The following STPG2 variants were observed in gnomAD, a reference collection of about 807,000 sequenced individuals.
STPG2 encodes sperm tail PG-rich repeat containing 2.
Under a neutral mutation model 54.2 loss-of-function variants are expected in STPG2, and 56 were observed. That is an observed-to-expected ratio of 1.03 (90% CI 0.83 to 1.29). The LOEUF (loss-of-function observed/expected upper bound fraction) is 1.29. Ranked by LOEUF, STPG2 falls within the 50% of genes most tolerant of loss-of-function variation. The pLI, the probability that STPG2 is intolerant of heterozygous loss-of-function variation, is 0.00. For missense variants in STPG2, 596 were observed against 544.9 expected, an observed-to-expected ratio of 1.09 and a Z score of -0.93; for synonymous variants, 200 against 181.8, an observed-to-expected ratio of 1.10 and a Z score of -0.81.
chr4:97,534,711 A>C (rs937271749), intron 4 of STPG2, among the ~76,000 whole-genome samples: 1 of 152,186 alleles, frequency 6.6e-6, no homozygotes, highest in African/African-American at 2.4e-5. Flanking sequence ...TCATGTAACC[A>C]CTACCAGAAT....
At chr4:97,595,741 C>G (rs1440044861) in intron 10 of STPG2, among the ~76,000 whole-genome samples, 4 of 152,108 alleles carry the variant, frequency 2.6e-5, no homozygotes, top group Non-Finnish European at 5.9e-5. Flanking sequence ...TACCACCAGA[C>G]CTATCTTACA....
chr4:97,927,537 T>C (rs1342105425), intron 8 of STPG2, among the ~76,000 whole-genome samples: 1 of 152,154 alleles, frequency 6.6e-6, no homozygotes, highest in Non-Finnish European at 1.5e-5. Flanking sequence ...CAATAGTGAT[T>C]ACATTTTTTA....
intron 4 of STPG2, among the ~76,000 whole-genome samples, chr4:97,473,143 G>T (rs1429964675): frequency 6.6e-6 from 1 of 152,054 alleles, no homozygotes; most frequent in African/African-American, 2.4e-5. Context: ...AAATTGTAGA[G>T]CATGTGTGTT....
intron 5 of STPG2, among the ~76,000 whole-genome samples, chr4:98,011,993 A>G (rs1409640689): frequency 6.6e-6 from 1 of 152,070 alleles, no homozygotes; most frequent in African/African-American, 2.4e-5. Context: ...TTTTGTTTCA[A>G]TTGCTTTTGG....
chr4:97,603,222 T>A (rs1040632081), intron 10 of STPG2, among the ~76,000 whole-genome samples: 2 of 151,620 alleles, frequency 1.3e-5, no homozygotes, highest in Non-Finnish European at 3.0e-5. Context: ...AGATGCTCAA[T>A]ATTACATATC....
chr4:97,523,093 A>G (rs1328169916), intron 4 of STPG2, among the ~76,000 whole-genome samples: 1 of 151,964 alleles, frequency 6.6e-6, no homozygotes, highest in Non-Finnish European at 1.5e-5. Flanking sequence ...CCTTTAATAT[A>G]TTGCAAAGCA....
chr4:98,079,193 G>A (rs535744519), intron 5 of STPG2, among the ~76,000 whole-genome samples: 1 of 152,078 alleles, frequency 6.6e-6, no homozygotes, highest in Non-Finnish European at 1.5e-5. Flanking sequence ...ATCTACATGG[G>A]CAGCCTGTTG....
intron 10 of STPG2, among the ~76,000 whole-genome samples, chr4:97,580,690 A>C (rs1007660139): frequency 1.3e-5 from 2 of 152,056 alleles, no homozygotes; most frequent in Non-Finnish European, 1.5e-5. Context: ...AGGAAAGTTT[A>C]TGACTATAAT....
chr4:98,131,215 T>C (rs1009442045), intron 2 of STPG2, among the ~76,000 whole-genome samples: 2 of 152,072 alleles, frequency 1.3e-5, no homozygotes, highest in Non-Finnish European at 2.9e-5. Flanking sequence ...GTTTCCCCCA[T>C]TCCCTCCAAA....
At chr4:97,631,987 A>T (rs1205648816) in intron 10 of STPG2, among the ~76,000 whole-genome samples, 1 of 152,080 alleles carries the variant, frequency 6.6e-6, no homozygotes, top group Non-Finnish European at 1.5e-5. Flanking sequence ...CATCACATGC[A>T]AAAACACATT....
chr4:97,745,777 G>A (rs1578529006), intron 9 of STPG2, among the ~76,000 whole-genome samples: 1 of 151,294 alleles, frequency 6.6e-6, no homozygotes, highest in South Asian at 2.1e-4. Flanking sequence ...CATACCATAT[G>A]TGCTTATGAT....
At chr4:98,047,000 G>C (rs146642379) in intron 5 of STPG2, among the ~76,000 whole-genome samples, 1 of 152,328 alleles carries the variant, frequency 6.6e-6, no homozygotes, top group Non-Finnish European at 1.5e-5. Context: ...ACAGGCAGCA[G>C]CTGGTAATGT....
chr4:97,942,702 A>T (rs1212864793), intron 8 of STPG2, among the ~76,000 whole-genome samples: 3 of 152,162 alleles, frequency 2.0e-5, no homozygotes, highest in African/African-American at 7.2e-5. Flanking sequence ...AAATTAGTTC[A>T]TCATGATCTT....
intron 10 of STPG2, among the ~76,000 whole-genome samples, chr4:97,634,538 C>T (rs1349677604): frequency 6.6e-6 from 1 of 151,846 alleles, no homozygotes; most frequent in Non-Finnish European, 1.5e-5. Context: ...GATCAAATTA[C>T]TCTGAGCTAC....
At chr4:97,606,835 A>G (rs1183121176) in intron 10 of STPG2, among the ~76,000 whole-genome samples, 1 of 151,980 alleles carries the variant, frequency 6.6e-6, no homozygotes, top group Non-Finnish European at 1.5e-5. Context: ...ATAATTCTAT[A>G]AATACAATTT....
chr4:98,042,122 C>T (rs902962377), intron 5 of STPG2, among the ~76,000 whole-genome samples: 3 of 151,640 alleles, frequency 2.0e-5, no homozygotes, highest in African/African-American at 7.3e-5. Flanking sequence ...GTGGGCATAT[C>T]GTCATTCATA....
chr4:97,477,900 C>T (rs1354063805), intron 4 of STPG2, among the ~76,000 whole-genome samples: 1 of 152,084 alleles, frequency 6.6e-6, no homozygotes, highest in Non-Finnish European at 1.5e-5. Context: ...TAATTCAACA[C>T]ATATTTGTAA....
intron 10 of STPG2, among the ~76,000 whole-genome samples, chr4:97,563,859 T>G (rs186285126): frequency 6.6e-6 from 1 of 152,252 alleles, no homozygotes; most frequent in South Asian, 2.1e-4. Flanking sequence ...TTACTTCTAA[T>G]GATGTGGTCA....
chr4:97,645,693 A>T (rs939329972), intron 10 of STPG2, among the ~76,000 whole-genome samples: 1 of 152,118 alleles, frequency 6.6e-6, no homozygotes, highest in Non-Finnish European at 1.5e-5. Flanking sequence ...CCAAACTGCA[A>T]TGTGGAAGAC....
Sources: allele counts gnomAD v4.1 joint callset (sites outside exome capture counted in the v4.1 genomes callset), GRCh38; gene constraint gnomAD v4.1.1; transcripts MANE v1.5; gene names NCBI Gene and HGNC (gene_info 2026-07-23, HGNC 2026-07-21).